TUBGCP5: variants seen among roughly 807,000 people sequenced by gnomAD.
TUBGCP5 encodes the protein gamma-tubulin complex component 5.
In TUBGCP5, 98 loss-of-function variants were observed where a neutral mutation model predicts 134.7. The ratio of observed to expected loss-of-function variants is 0.73; its 90% CI spans 0.62 to 0.86. The LOEUF (loss-of-function observed/expected upper bound fraction) is 0.86, where lower values mean the gene tolerates loss of function less well. TUBGCP5 is among the 40% of genes least tolerant of loss of function. The pLI, the probability that TUBGCP5 is intolerant of heterozygous loss-of-function variation, is 0.00. For missense variants in TUBGCP5, 1,150 were observed against 1,244.8 expected, an observed-to-expected ratio of 0.92 and a Z score of 1.15; for synonymous variants, 456 against 431.4, an observed-to-expected ratio of 1.06 and a Z score of -0.71.
intron 23 of TUBGCP5, among the ~76,000 whole-genome samples, chr15:22,985,805 A>T (rs1008443982): frequency 6.6e-5 from 10 of 151,872 alleles, no homozygotes; most frequent in African/African-American, 2.4e-4. Flanking sequence ...ACTGCACTCC[A>T]GCCTGGGCGA....
chr15:23,031,811 T>C (rs936177672), intron 5 of TUBGCP5, 139 bp downstream of exon 5: 1 of 532,574 alleles, frequency 1.9e-6, no homozygotes, highest in African/African-American at 1.9e-5. Flanking sequence ...CTAATCAGTC[T>C]TCCATAATAA....
intron 19 of TUBGCP5, 141 bp from the exon 20 acceptor site, chr15:23,004,368 C>T: frequency 9.8e-7 from 1 of 1,015,636 alleles, no homozygotes; most frequent in Non-Finnish European, 1.4e-6. Flanking sequence ...TCATAAAGTA[C>T]CATTCTTCAA....
chr15:22,993,906 C>G (rs1441451063), intron 23 of TUBGCP5, among the ~76,000 whole-genome samples: 3 of 151,962 alleles, frequency 2.0e-5, no homozygotes, highest in Non-Finnish European at 4.4e-5. Context: ...GTCTTGAACT[C>G]CTGGGCTCAA....
Position 23,011,351 on chromosome 15 carries a change from G to A in TUBGCP5, c.1757-20C>T. 14 of 1,588,254 alleles carry A rather than the reference G, an allele frequency of 8.8e-6. No homozygotes were observed. The highest frequency in any genetic ancestry group is 1.2e-5 in the Non-Finnish European group (14 of 1,160,230). On this transcript the variant is annotated intron_variant, in intron 13 of 22. Coordinates refer to ENST00000615383, the MANE Select transcript of TUBGCP5 (RefSeq NM_052903.6). ...CTGCATCTGAAACATAAAGAAATAT[G>A]TAAGGTGAACTAAGTTCTGTTTAAT...
intron 12 of TUBGCP5, among the ~76,000 whole-genome samples, chr15:23,018,734 T>G (rs983291128): frequency 6.6e-6 from 1 of 152,142 alleles, no homozygotes; most frequent in Non-Finnish European, 1.5e-5. Context: ...GAAAAATCAA[T>G]TAACTGAAGG....
Position 23,039,453 on chromosome 15 carries a change from C to T in TUBGCP5, c.91G>A (p.Asp31Asn), listed in dbSNP as rs772573724. The T allele has an allele frequency of 4.3e-5, 66 of 1,549,818 alleles. No individual in the cohort carries two copies. The highest frequency in any genetic ancestry group is 5.6e-5 in the Non-Finnish European group (64 of 1,145,762). Residue 31 changes from aspartate (D) to asparagine (N), a missense_variant, in exon 1 of 23, where the codon GAC (aspartate) becomes AAC (asparagine). Physicochemically the swap from Asp to Asn is conservative, Grantham distance 23. Around this residue, in one of 2 missense-constraint regions of TUBGCP5, gnomAD observed 453 missense variants for 394.7 expected, o/e 1.15. Coordinates refer to ENST00000615383, the MANE Select transcript of TUBGCP5 (RefSeq NM_052903.6). ...ELVRGVAGLQ[D>N]EADPNFQLAL... The stretch of plus-strand genomic sequence containing the variant: ...AGCTGGAAGTTGGGGTCTGCCTCGT[C>T]CTGGAGGCCGGCGACACCCCGGACG...
Position 23,011,259 on chromosome 15 carries a change from G to A in TUBGCP5, c.1829C>T (p.Ser610Phe). The A allele has an allele frequency of 6.2e-7, 1 of 1,613,888 alleles. No homozygotes were observed. Among genetic ancestry groups the A allele is most frequent in the Admixed American group, 1.7e-5 (1 of 60,010 alleles). ...TTGCTCAGTAAGAACCTGTGGAGTG[G>A]AATCTTCTCCATGTCGAAGACGGGA... ...VQSRLRHGEDSTPQVLTEQQA... is the reference protein window; with the variant it reads ...VQSRLRHGEDFTPQVLTEQQA... Residue 610 changes from serine (S) to phenylalanine (F), a missense_variant, in exon 14 of 23, where the codon TCC (serine) becomes TTC (phenylalanine). Ser to Phe is a radical substitution (Grantham distance 155). This residue lies in a region of TUBGCP5 where 697 missense variants were observed against 850.1 expected (regional missense o/e 0.82). Coordinates refer to ENST00000615383, the MANE Select transcript of TUBGCP5 (RefSeq NM_052903.6).
At chr15:23,006,909 T>C (rs997089869) in intron 16 of TUBGCP5, among the ~76,000 whole-genome samples, 2 of 152,182 alleles carry the variant, frequency 1.3e-5, no homozygotes, top group East Asian at 3.8e-4. Context: ...CTATTATGTG[T>C]CCTTAGCTCA....
rs1016186267 is a variant in TUBGCP5, at chr15:23,005,443, T to G, written c.2701A>C (p.Ile901Leu). ...MHFVNSLHNY[I>L]MTRILHSTGL... Reference sequence around the variant, plus strand: ...GGAGAGGCACAAACCCTGGTCATGATGTAGTTGTGCAAGCTGTTCACGAAA... The same window carrying G: ...GGAGAGGCACAAACCCTGGTCATGAGGTAGTTGTGCAAGCTGTTCACGAAA... The change falls in exon 19 of 23, where the codon ATC (isoleucine) becomes CTC (leucine). Residue 901 changes from isoleucine (I) to leucine (L), a missense_variant. Physicochemically the swap from Ile to Leu is conservative, Grantham distance 5. This residue lies in a region of TUBGCP5 where 697 missense variants were observed against 850.1 expected (regional missense o/e 0.82). Transcript: ENST00000615383. The G allele has an allele frequency of 6.2e-7, 1 of 1,614,034 alleles. No individual in the cohort carries two copies. Among genetic ancestry groups the G allele is most frequent in the African/African-American group, 1.3e-5 (1 of 75,024 alleles).
At chr15:23,006,232 G>A (rs2064705731) in intron 17 of TUBGCP5, 36 bp downstream of exon 17, 1 of 1,608,394 alleles carries the variant, frequency 6.2e-7, no homozygotes, top group Non-Finnish European at 8.5e-7. Flanking sequence ...AATGTTAGCA[G>A]AAAACACGGT....
intron 23 of TUBGCP5, among the ~76,000 whole-genome samples, chr15:22,993,333 C>T (rs1350333030): frequency 6.6e-6 from 1 of 151,500 alleles, no homozygotes; most frequent in Non-Finnish European, 1.5e-5. Context: ...CTCCTGACCT[C>T]GTGATTCGCC....
At chr15:23,031,876 G>T in intron 5 of TUBGCP5, 74 bp downstream of exon 5, 1 of 1,190,282 alleles carries the variant, frequency 8.4e-7, no homozygotes, top group Non-Finnish European at 1.2e-6. Flanking sequence ...ACCTAGGGTG[G>T]AAAGACCCAT....
Position 23,005,512 on chromosome 15 carries a change from G to A in TUBGCP5, c.2632C>T (p.Gln878Ter). The stretch of plus-strand genomic sequence containing the variant: ...AAGAGGAACATGCGATGAATCTGCT[G>A]TCTTACTGGTTCTTTTTGTGGTCCG... ...QFGPQKEPVRQQIHRMFLLRV... is the reference protein window; with the variant it reads ...QFGPQKEPVR The change falls in exon 19 of 23, where the codon CAG (glutamine) becomes TAG (stop). Residue 878 changes from glutamine to a stop codon, truncating the protein, a stop_gained. Coordinates refer to ENST00000615383, the MANE Select transcript of TUBGCP5 (RefSeq NM_052903.6). LOFTEE classifies it high-confidence loss of function. 6.2e-7 allele frequency: 1 copy of A among 1,614,206 alleles called. No homozygotes were observed. The highest frequency in any genetic ancestry group is 2.2e-5 in the East Asian group (1 of 44,890).
chr15:22,985,438 A>C (rs1464552487), intron 23 of TUBGCP5, among the ~76,000 whole-genome samples: 1 of 151,874 alleles, frequency 6.6e-6, no homozygotes, highest in Non-Finnish European at 1.5e-5. Context: ...GGCTGGTCTC[A>C]AACTCCCGAC....
Position 23,018,051 on chromosome 15 carries a change from T to G in TUBGCP5, c.1488-10A>C, listed in dbSNP as rs1184648290. ...TGGAACATTTTTGTTTCTAAAGAGA[T>G]TCAAAAGAATTTTAAACTCTTATTT... is the stretch of plus-strand genomic sequence containing the variant. On this transcript the variant is annotated splice_polypyrimidine_tract_variant and intron_variant, in intron 12 of 22. Transcript: ENST00000615383. The G allele has an allele frequency of 1.9e-6, 3 of 1,594,660 alleles. No individual in the cohort carries two copies. In the South Asian group the frequency reaches 3.4e-5, roughly 18 times the overall value.
In TUBGCP5 at chr15:23,003,085, C is replaced by T. The variant is rs1365488116; in HGVS notation, c.2907G>A (p.Gln969=). 9 of 1,614,026 alleles carry T rather than the reference C, an allele frequency of 5.6e-6. No individual in the cohort carries two copies. Among genetic ancestry groups the T allele is most frequent in the Non-Finnish European group, 7.6e-6 (9 of 1,180,030 alleles). Residue 969 remains glutamine (Q), a synonymous_variant, in exon 21 of 23, where the codon CAG becomes CAA. Coordinates refer to ENST00000615383, the MANE Select transcript of TUBGCP5 (RefSeq NM_052903.6). ...NLALMFADGW[Q]AGLGTWRMES... is the part of the protein sequence containing the mutation. ...CTTACCGCCAAGTGCCCAGGCCTGC[C>T]TGCCAACCGTCTGCAAACATGAGAG...
At chr15:22,994,210 C>T (rs1383054702), downstream of TUBGCP5, among the ~76,000 whole-genome samples, 8 of 152,118 alleles carry the variant, frequency 5.3e-5, no homozygotes, top group Admixed American at 4.6e-4. Context: ...GCCTCAGCCT[C>T]CCAGGTAGCT....
intron 20 of TUBGCP5, among the ~76,000 whole-genome samples, chr15:23,003,625 T>G (rs1450693180): frequency 1.4e-5 from 2 of 139,250 alleles, no homozygotes; most frequent in Non-Finnish European, 3.1e-5. Context: ...AGGGCACTCC[T>G]CCTTCTGTTT....
chr15:23,009,851 C>T (rs533434117), intron 15 of TUBGCP5, 94 bp downstream of exon 15: 2 of 1,155,938 alleles, frequency 1.7e-6, no homozygotes, highest in Admixed American at 5.2e-5. Flanking sequence ...ATTTCCTACT[C>T]TAATAAAAAT....
Sources: gnomAD v4.1 joint callset for allele counts (sites outside exome capture counted in the v4.1 genomes callset) on GRCh38, gnomAD v4.1.1 for gene constraint, gnomAD v4.1.1 regional missense constraint, MANE v1.5 for transcripts, NCBI Gene and HGNC (gene_info 2026-07-23, HGNC 2026-07-21) for gene names.